The following GALNTL6 variants were observed in gnomAD, a reference collection of about 807,000 sequenced individuals.
GALNTL6 encodes the protein polypeptide N-acetylgalactosaminyltransferase like 6, also known as polypeptide N-acetylgalactosaminyltransferase-like 6.
A neutral mutation model predicts 73.7 loss-of-function variants in GALNTL6; 46 were observed. The observed-to-expected ratio is 0.62, with a 90% CI of 0.49 to 0.80. The LOEUF is 0.80. GALNTL6 is among the 30% of genes least tolerant of loss of function. GALNTL6 has a pLI of 0.00. For missense variants in GALNTL6, 604 were observed against 755.0 expected (o/e 0.80, Z 2.34); for synonymous variants, 259 against 263.7 (o/e 0.98, Z 0.17).
Position 172,103,039 on chromosome 4 carries a change from G to C in GALNTL6, c.139-126617G>C, listed in dbSNP as rs566413694. ...TAAGATAAGGAGACCTAGGAATAAA[G>C]GTTCATGGGCTAGGAAAACAAATAT... is the stretch of plus-strand genomic sequence containing the variant. On this transcript the variant is annotated intron_variant, in intron 2 of 12. Coordinates refer to ENST00000506823, the MANE Select transcript of GALNTL6 (RefSeq NM_001034845.3). Among the ~76,000 whole-genome samples the C allele has an allele frequency of 7.2e-5, 11 of 152,300 alleles. No homozygotes were observed. The South Asian group carries it at 2.3e-3, about 32-fold the overall frequency.
rs1402877383 is a variant in GALNTL6 at position 172,162,802 on chromosome 4, T to G, written c.139-66854T>G. 2.6e-5 allele frequency among the ~76,000 whole-genome samples: 4 copies of G among 152,062 alleles called. No homozygotes were observed. In the East Asian group the frequency reaches 7.7e-4, roughly 29 times the overall value. ...TTCTGACATAATCCTGCAAAAGGAA[T>G]TAGTAAATATTGAGATGTCAAGAAT... On this transcript the variant is annotated intron_variant, in intron 2 of 12. Transcript: ENST00000506823.
At chr4:172,697,780 A>G (rs931818020) in intron 5 of GALNTL6, among the ~76,000 whole-genome samples, 3 of 152,206 alleles carry the variant, frequency 2.0e-5, no homozygotes, top group Non-Finnish European at 4.4e-5. Context: ...AGATCTTTAG[A>G]CTTACAACAG....
chr4:172,840,264 C>A (rs1743137395), intron 7 of GALNTL6, among the ~76,000 whole-genome samples: 1 of 152,178 alleles, frequency 6.6e-6, no homozygotes. Flanking sequence ...AATTCCTAAT[C>A]AGACGGTCAT....
chr4:172,661,310 G>A (rs992658703), intron 5 of GALNTL6, among the ~76,000 whole-genome samples: 43 of 152,230 alleles, frequency 2.8e-4, no homozygotes, highest in Non-Finnish European at 8.8e-5. Flanking sequence ...ACTCACCCCT[G>A]GGTCTCCAGC....
chr4:172,675,303 A>C (rs927138028), intron 5 of GALNTL6, among the ~76,000 whole-genome samples: 4 of 152,222 alleles, frequency 2.6e-5, no homozygotes, highest in African/African-American at 9.6e-5. Context: ...ATTGGGCCCC[A>C]ACTTTGTTCA....
chr4:172,040,699 T>C (rs1560896684), intron 2 of GALNTL6, among the ~76,000 whole-genome samples: 1 of 152,106 alleles, frequency 6.6e-6, no homozygotes, highest in African/African-American at 2.4e-5. Context: ...ATAAAATTGA[T>C]ACTTAAAGAG....
chr4:172,177,004 A>G (rs1735023606), intron 2 of GALNTL6, among the ~76,000 whole-genome samples: 1 of 152,074 alleles, frequency 6.6e-6, no homozygotes, highest in African/African-American at 2.4e-5. Context: ...CTTTTGTGCA[A>G]TTATTTAGCA....
chr4:172,786,388 T>A (rs1319350784), intron 5 of GALNTL6, among the ~76,000 whole-genome samples: 1 of 152,232 alleles, frequency 6.6e-6, no homozygotes, highest in African/African-American at 2.4e-5. Flanking sequence ...GAATACAGTA[T>A]TTTTTATCCT....
chr4:172,582,747 G>GAC (rs35246163), intron 5 of GALNTL6, among the ~76,000 whole-genome samples: 4,881 of 142,740 alleles, frequency 0.034, 87 homozygotes, highest in South Asian at 0.088. Flanking sequence ...CACACACACA[G>GAC]ACACACACAC....
At chr4:171,981,719 C>T (rs180860252) in intron 2 of GALNTL6, among the ~76,000 whole-genome samples, 81 of 152,100 alleles carry the variant, frequency 5.3e-4, no homozygotes, top group Non-Finnish European at 3.7e-4. Flanking sequence ...TTATAAAATC[C>T]AAAGAATGCT....
intron 5 of GALNTL6, among the ~76,000 whole-genome samples, chr4:172,590,249 C>G (rs928501455): frequency 6.6e-6 from 1 of 152,054 alleles, no homozygotes; most frequent in African/African-American, 2.4e-5. Flanking sequence ...TCAATCTAAA[C>G]CTTTTGGACA....
At chr4:172,311,883 A>T in intron 4 of GALNTL6, 131 bp downstream of exon 4, 1 of 604,782 alleles carries the variant, frequency 1.7e-6, no homozygotes. Context: ...ATAAAAACTC[A>T]TATTGCATCA....
At chr4:172,846,684 T>C (rs1743527047) in intron 7 of GALNTL6, among the ~76,000 whole-genome samples, 1 of 152,210 alleles carries the variant, frequency 6.6e-6, no homozygotes, top group Non-Finnish European at 1.5e-5. Context: ...CTTTCATTTG[T>C]GAAGAATGAG....
At chr4:172,561,259 C>CAAAAAAAA (rs59249298) in intron 5 of GALNTL6, among the ~76,000 whole-genome samples, 3 of 60,128 alleles carry the variant, frequency 5.0e-5, no homozygotes, top group East Asian at 5.0e-4. Flanking sequence ...GACTCCGTCT[C>CAAAAAAAA]AAAAAAAAAA....
At position 172,383,550 on chromosome 4, in the gene GALNTL6, C is replaced by T. The variant is rs558535396; in HGVS notation, c.553+34861C>T. Among the ~76,000 whole-genome samples, 9 of 152,190 alleles carry T rather than the reference C, an allele frequency of 5.9e-5. 1 individual carries two copies. The South Asian group carries it at 1.5e-3, about 25-fold the overall frequency. On this transcript the variant is annotated intron_variant, in intron 5 of 12. Coordinates refer to ENST00000506823, the MANE Select transcript of GALNTL6 (RefSeq NM_001034845.3). ...AGAGCATGCCATCTGTGAGTCGTCACGATTTTGCCTCTTTCCAATCTGAAT... is the reference window on the plus strand; with the variant it reads ...AGAGCATGCCATCTGTGAGTCGTCATGATTTTGCCTCTTTCCAATCTGAAT...
intron 6 of GALNTL6, among the ~76,000 whole-genome samples, chr4:172,812,015 T>C (rs925672806): frequency 4.9e-5 from 2 of 41,072 alleles, no homozygotes; most frequent in African/African-American, 8.7e-5. Context: ...GATAAATGGA[T>C]GGATGGATGG....
intron 5 of GALNTL6, among the ~76,000 whole-genome samples, chr4:172,426,098 T>C (rs1003566965): frequency 2.0e-5 from 3 of 152,122 alleles, no homozygotes; most frequent in African/African-American, 7.2e-5. Context: ...ATATTTTTTC[T>C]CTTCCTTTGG....
chr4:172,486,582 G>A (rs1472146515), intron 5 of GALNTL6, among the ~76,000 whole-genome samples: 1 of 152,166 alleles, frequency 6.6e-6, no homozygotes, highest in African/African-American at 2.4e-5. Context: ...CACAGACAAT[G>A]TTAGATTGCT....
At chr4:172,467,993 AG>A (rs1732897436) in intron 5 of GALNTL6, among the ~76,000 whole-genome samples, 1 of 151,130 alleles carries the variant, frequency 6.6e-6, no homozygotes, top group Non-Finnish European at 1.5e-5. Flanking sequence ...TCCTGGGCTC[AG>A]GTGATCCTCC....
Sources: allele counts gnomAD v4.1 joint callset (sites outside exome capture counted in the v4.1 genomes callset), GRCh38; gene constraint gnomAD v4.1.1; transcripts MANE v1.5; gene names NCBI Gene and HGNC (gene_info 2026-07-23, HGNC 2026-07-21).